Variants in VRK2 observed in about 807,000 individuals in gnomAD.
The protein encoded by VRK2 is serine/threonine-protein kinase VRK2.
In VRK2, 60 loss-of-function variants were observed where a neutral mutation model predicts 57.6. The observed-to-expected ratio is 1.04, with a 90% CI of 0.85 to 1.29. The LOEUF is 1.29. Ranked by LOEUF, VRK2 falls within the 50% of genes most tolerant of loss-of-function variation. VRK2 has a pLI of 0.00. For synonymous variants in VRK2, 231 were observed against 199.2 expected (o/e 1.16, Z -1.35); for missense variants, 705 against 588.1 (o/e 1.20, Z -2.06).
intron 1 of VRK2, among the ~76,000 whole-genome samples, chr2:57,957,302 T>C (rs1381651767): frequency 6.6e-6 from 1 of 152,066 alleles, no homozygotes; most frequent in East Asian, 1.9e-4. Context: ...TTTTGAAAAA[T>C]AAATAAGTAC....
At chr2:57,987,730 T>G (rs1469834544) in intron 1 of VRK2, among the ~76,000 whole-genome samples, 1 of 152,152 alleles carries the variant, frequency 6.6e-6, no homozygotes, top group Non-Finnish European at 1.5e-5. Context: ...TATTCAAAAT[T>G]GCTAAAAGCA....
At chr2:57,947,389 T>A (rs1671294933) in intron 1 of VRK2, among the ~76,000 whole-genome samples, 1 of 152,158 alleles carries the variant, frequency 6.6e-6, no homozygotes, top group East Asian at 1.9e-4. Flanking sequence ...ACACAATGTG[T>A]ATATAAAATC....
At chr2:58,145,838 G>T (rs1241676368) in intron 11 of VRK2, among the ~76,000 whole-genome samples, 1 of 151,790 alleles carries the variant, frequency 6.6e-6, no homozygotes. Context: ...AGTGTTCTCT[G>T]TTCAATTCCC....
At chr2:58,109,168 A>G (rs1484864037) in intron 7 of VRK2, among the ~76,000 whole-genome samples, 2 of 152,190 alleles carry the variant, frequency 1.3e-5, no homozygotes, top group Admixed American at 6.5e-5. Flanking sequence ...TTATCAATTA[A>G]ATCAATTAAA....
intron 1 of VRK2, among the ~76,000 whole-genome samples, chr2:57,915,475 G>T (rs746193867): frequency 6.6e-6 from 1 of 152,110 alleles, no homozygotes; most frequent in African/African-American, 2.4e-5. Flanking sequence ...AAAAAATAAA[G>T]ATACAATAAT....
At chr2:57,975,907 C>A (rs2104033146) in intron 1 of VRK2, among the ~76,000 whole-genome samples, 1 of 152,066 alleles carries the variant, frequency 6.6e-6, no homozygotes, top group East Asian at 1.9e-4. Flanking sequence ...TTTTGACCCT[C>A]ACCCTCCTCT....
At chr2:58,012,844 A>G (rs1673454133) in intron 1 of VRK2, among the ~76,000 whole-genome samples, 1 of 152,236 alleles carries the variant, frequency 6.6e-6, no homozygotes, top group South Asian at 2.1e-4. Flanking sequence ...TACGTATTAT[A>G]TCTTAATAAC....
At chr2:58,102,510 C>T (rs1409382350) in intron 7 of VRK2, among the ~76,000 whole-genome samples, 1 of 141,754 alleles carries the variant, frequency 7.1e-6, no homozygotes, top group Non-Finnish European at 1.5e-5. Context: ...AAAAAAAAGA[C>T]AAAGGAGGTT....
At chr2:58,132,044 T>C in intron 9 of VRK2, 116 bp downstream of exon 9, 1 of 1,298,904 alleles carries the variant, frequency 7.7e-7, no homozygotes, top group African/African-American at 1.5e-5. Flanking sequence ...CAAAGCAAAT[T>C]TCTTTAGTTT....
intron 2 of VRK2, among the ~76,000 whole-genome samples, chr2:58,073,131 C>G (rs972039968): frequency 1.3e-5 from 2 of 151,984 alleles, no homozygotes; most frequent in African/African-American, 4.8e-5. Flanking sequence ...GACTTTTAGT[C>G]ATTAATTTCT....
chr2:57,968,326 C>T lies in VRK2; in HGVS notation c.-438-57339C>T, dbSNP rs577072810. ...AAGAGGAAATCCAAAGTTAAGTAAT[C>T]AAGGTGCAGAAAAAAGCATCTCTCT... On this transcript the variant is annotated intron_variant, in intron 1 of 15. Coordinates refer to the VRK2 transcript ENST00000417641. Among the ~76,000 whole-genome samples the T allele has an allele frequency of 7.9e-5, 12 of 152,014 alleles. No homozygotes were observed. In the East Asian group the frequency reaches 2.3e-3, roughly 29 times the overall value.
chr2:58,125,388 TTATATTTTTTA>T (rs1678186133), intron 8 of VRK2, among the ~76,000 whole-genome samples: 1 of 152,140 alleles, frequency 6.6e-6, no homozygotes, highest in Non-Finnish European at 1.5e-5. Context: ...TTTAGTCTAC[TTATATTTTTTA>T]TTCTAAAATC....
At chr2:57,968,638 C>A (rs971999475) in intron 1 of VRK2, among the ~76,000 whole-genome samples, 1 of 152,022 alleles carries the variant, frequency 6.6e-6, no homozygotes, top group African/African-American at 2.4e-5. Flanking sequence ...AGAGAATATA[C>A]CATTTCGTAC....
intron 1 of VRK2, among the ~76,000 whole-genome samples, chr2:57,909,600 T>C (rs1419469412): frequency 6.6e-6 from 1 of 152,172 alleles, no homozygotes; most frequent in South Asian, 2.1e-4. Flanking sequence ...ACTGAAATAT[T>C]TGAGAAATAA....
At chr2:58,046,300 C>T (rs775891302), upstream of VRK2, among the ~76,000 whole-genome samples, 3 of 152,156 alleles carry the variant, frequency 2.0e-5, no homozygotes, top group Non-Finnish European at 4.4e-5. Context: ...TTAAATTATC[C>T]TACGATTAAT....
intron 1 of VRK2, among the ~76,000 whole-genome samples, chr2:57,927,970 C>T (rs1178808909): frequency 6.6e-6 from 1 of 152,052 alleles, no homozygotes; most frequent in Admixed American, 6.6e-5. Flanking sequence ...AGGATACTTT[C>T]TTTATCATAG....
chr2:57,932,967 T>C (rs887952875), intron 1 of VRK2, among the ~76,000 whole-genome samples: 1 of 152,188 alleles, frequency 6.6e-6, no homozygotes, highest in Non-Finnish European at 1.5e-5. Context: ...AATTTCCATA[T>C]ATTGTGAATA....
intron 1 of VRK2, among the ~76,000 whole-genome samples, chr2:57,987,514 T>C (rs1010261546): frequency 6.6e-5 from 10 of 152,184 alleles, no homozygotes; most frequent in Non-Finnish European, 1.5e-4. Context: ...CAGTTCCTGA[T>C]GTGGGTGCAG....
At chr2:57,985,707 T>C (rs1672573565) in intron 1 of VRK2, among the ~76,000 whole-genome samples, 1 of 152,150 alleles carries the variant, frequency 6.6e-6, no homozygotes, top group East Asian at 1.9e-4. Context: ...ATAGCTTCAG[T>C]AGGCAAGAAG....
Sources: gnomAD v4.1 joint callset for allele counts (sites outside exome capture counted in the v4.1 genomes callset) on GRCh38, gnomAD v4.1.1 for gene constraint, MANE v1.5 for transcripts, NCBI Gene and HGNC (gene_info 2026-07-23, HGNC 2026-07-21) for gene names.